Variants in SPOCK1 observed in about 807,000 individuals in gnomAD.
The protein encoded by SPOCK1 is testican-1.
In SPOCK1, 23 loss-of-function variants were observed where a neutral mutation model predicts 55.3. The ratio of observed to expected loss-of-function variants is 0.42; its 90% CI spans 0.30 to 0.59. The LOEUF (loss-of-function observed/expected upper bound fraction) is 0.59, where lower values mean the gene tolerates loss of function less well. Ranked by LOEUF, SPOCK1 falls within the 20% of genes least tolerant of loss-of-function variation. The probability of loss-of-function intolerance (pLI) is 0.22; values close to 1 mark genes in which losing one functional copy is unlikely to be tolerated. For synonymous variants in SPOCK1, 226 were observed against 221.0 expected, an observed-to-expected ratio of 1.02 and a Z score of -0.20; for missense variants, 499 against 552.5, an observed-to-expected ratio of 0.90 and a Z score of 0.97.
chr5:137,407,385 G>A (rs975840580), intron 2 of SPOCK1, among the ~76,000 whole-genome samples: 1 of 152,112 alleles, frequency 6.6e-6, no homozygotes, highest in African/African-American at 2.4e-5. Flanking sequence ...CAGAGGGCAG[G>A]ATGTTATGAT....
At chr5:137,320,510 G>T (rs547766756) in intron 2 of SPOCK1, among the ~76,000 whole-genome samples, 1 of 152,336 alleles carries the variant, frequency 6.6e-6, no homozygotes, top group South Asian at 2.1e-4. Context: ...TGTTTTGCCT[G>T]ACTTAGAGTG....
chr5:137,347,647 G>A (rs552073682), intron 2 of SPOCK1, among the ~76,000 whole-genome samples: 1 of 152,250 alleles, frequency 6.6e-6, no homozygotes, highest in Admixed American at 6.5e-5. Context: ...AACCTAGGAG[G>A]TGAAGGTTGC....
chr5:136,980,048 ATTCC>A (rs749970858), intron 9 of SPOCK1, among the ~76,000 whole-genome samples: 2 of 152,208 alleles, frequency 1.3e-5, no homozygotes, highest in Non-Finnish European at 2.9e-5. Context: ...GTTCCAAGCT[ATTCC>A]TTGTCACTGT....
At chr5:137,465,037 G>A (rs1753570954) in intron 2 of SPOCK1, among the ~76,000 whole-genome samples, 2 of 152,134 alleles carry the variant, frequency 1.3e-5, no homozygotes, top group South Asian at 2.1e-4. Flanking sequence ...AGAGAACAAC[G>A]CTATAGAAGC....
chr5:137,053,954 A>G (rs1355558013), intron 6 of SPOCK1, among the ~76,000 whole-genome samples: 3 of 152,124 alleles, frequency 2.0e-5, no homozygotes, highest in African/African-American at 7.2e-5. Flanking sequence ...TAGACAACTA[A>G]CAGTGTCTCT....
At chr5:137,111,747 T>A (rs1356364332) in intron 5 of SPOCK1, among the ~76,000 whole-genome samples, 1 of 152,164 alleles carries the variant, frequency 6.6e-6, no homozygotes, top group African/African-American at 2.4e-5. Context: ...TTAGGTGAAA[T>A]GCCCCTCTAG....
intron 3 of SPOCK1, among the ~76,000 whole-genome samples, chr5:137,168,513 AT>A (rs137868739): frequency 1.3e-5 from 2 of 152,264 alleles, no homozygotes; most frequent in Non-Finnish European, 2.9e-5. Context: ...GAGGAAAAAA[AT>A]CTAATAATCT....
rs553535062 is a variant in SPOCK1 at position 137,419,521 on chromosome 5, T to C, written c.186+78852A>G. 8.7e-4 allele frequency among the ~76,000 whole-genome samples: 132 copies of C among 152,266 alleles called. 1 individual carries two copies. Among genetic ancestry groups the C allele is most frequent in the African/African-American group, 3.0e-3 (123 of 41,554 alleles). On this transcript the variant is annotated intron_variant, in intron 2 of 10. Transcript: ENST00000394945. ...CTCCTTGAAGAGGTCCTTCACATCC[T>C]TTGTAAGTTGGATTCCTAGATATTT...
intron 3 of SPOCK1, among the ~76,000 whole-genome samples, chr5:137,235,444 C>T (rs1756160586): frequency 6.6e-6 from 1 of 152,236 alleles, no homozygotes; most frequent in Non-Finnish European, 1.5e-5. Flanking sequence ...ATTTCAACCA[C>T]TAGTTTCAAC....
At chr5:137,144,776 C>A (rs1043663522) in intron 3 of SPOCK1, among the ~76,000 whole-genome samples, 1 of 152,010 alleles carries the variant, frequency 6.6e-6, no homozygotes, top group Non-Finnish European at 1.5e-5. Context: ...ATTTGAGAGG[C>A]CTTTTAATAA....
At chr5:137,057,738 T>C (rs1290373593) in intron 6 of SPOCK1, among the ~76,000 whole-genome samples, 1 of 152,218 alleles carries the variant, frequency 6.6e-6, no homozygotes, top group African/African-American at 2.4e-5. Context: ...CAGTCTGCTT[T>C]GTGGGGTGGA....
intron 2 of SPOCK1, chr5:137,273,403 T>A: frequency 1.0e-6 from 1 of 982,802 alleles, no homozygotes; most frequent in Non-Finnish European, 1.2e-6. Flanking sequence ...GAAAGCATTA[T>A]AAATGAGAAA....
At chr5:137,474,325 A>C (rs1016750991) in intron 2 of SPOCK1, among the ~76,000 whole-genome samples, 6 of 152,228 alleles carry the variant, frequency 3.9e-5, no homozygotes, top group African/African-American at 1.4e-4. Context: ...CGTAGAATAC[A>C]ATAAATAAGT....
chr5:137,281,550 C>A (rs923604682), intron 2 of SPOCK1, among the ~76,000 whole-genome samples: 25 of 152,200 alleles, frequency 1.6e-4, no homozygotes, highest in Non-Finnish European at 7.3e-5. Flanking sequence ...AAGGAGTGAC[C>A]CTCAGCTCAC....
intron 3 of SPOCK1, among the ~76,000 whole-genome samples, chr5:137,211,367 G>C (rs923524611): frequency 1.3e-5 from 2 of 152,192 alleles, no homozygotes; most frequent in African/African-American, 4.8e-5. Context: ...TACCTCAATA[G>C]GGATGTTACT....
chr5:137,253,061 G>A (rs1195250947), intron 3 of SPOCK1, among the ~76,000 whole-genome samples: 2 of 152,082 alleles, frequency 1.3e-5, no homozygotes, highest in African/African-American at 4.8e-5. Context: ...CTTTTCTAGA[G>A]GACAAAAATC....
intron 2 of SPOCK1, among the ~76,000 whole-genome samples, chr5:137,330,561 A>G (rs1223938685): frequency 6.6e-6 from 1 of 152,268 alleles, no homozygotes; most frequent in Non-Finnish European, 1.5e-5. Context: ...ATACTTAGGT[A>G]TGTAACTTGC....
intron 3 of SPOCK1, among the ~76,000 whole-genome samples, chr5:137,232,187 A>C (rs987627280): frequency 5.3e-5 from 8 of 152,098 alleles, no homozygotes; most frequent in African/African-American, 1.7e-4. Context: ...CTTTTTTAAA[A>C]ATTTTTTAAT....
At chr5:137,457,400 G>A (rs1753387782) in intron 2 of SPOCK1, among the ~76,000 whole-genome samples, 2 of 152,172 alleles carry the variant, frequency 1.3e-5, no homozygotes, top group African/African-American at 4.8e-5. Flanking sequence ...GTGGGGCAGT[G>A]GGAGAGCATG....
Sources: gnomAD v4.1 joint callset for allele counts (sites outside exome capture counted in the v4.1 genomes callset) on GRCh38, gnomAD v4.1.1 for gene constraint, MANE v1.5 for transcripts, NCBI Gene and HGNC (gene_info 2026-07-23, HGNC 2026-07-21) for gene names.